TBC1D14: variants seen among roughly 807,000 people sequenced by gnomAD.
TBC1D14 encodes TBC1 domain family member 14.
TBC1D14 carries 26 observed loss-of-function variants against 79.0 expected under a neutral mutation model. That is an observed-to-expected ratio of 0.33 (90% CI 0.24 to 0.46). The LOEUF is 0.46. TBC1D14 is among the 20% of genes least tolerant of loss of function. The pLI is 1.00. For missense variants in TBC1D14, 769 were observed against 887.6 expected (o/e 0.87, Z 1.70); for synonymous variants, 394 against 349.9 (o/e 1.13, Z -1.40).
chr4:7,010,875 ATTTTC>A, intron 11 of TBC1D14, 94 bp downstream of exon 11: 1 of 1,429,332 alleles, frequency 7.0e-7, no homozygotes, highest in Non-Finnish European at 9.5e-7. Flanking sequence ...AAAAGAATAC[ATTTTC>A]TCTCTGTGAA....
chr4:6,985,998 A>T lies in TBC1D14; in HGVS notation c.844-8186A>T, dbSNP rs115242590. Among the ~76,000 whole-genome samples, 598 of 152,340 alleles carry T rather than the reference A, an allele frequency of 3.9e-3. 6 individuals carry two copies. The highest frequency in any genetic ancestry group is 0.013 in the African/African-American group (561 of 41,580). ...GCAATCTAGTTTCAAAATATGTTCG[A>T]CATCCAAAGTTTTATTTTTCATCAC... On this transcript the variant is annotated intron_variant, in intron 3 of 13. Coordinates refer to ENST00000409757, the MANE Select transcript of TBC1D14 (RefSeq NM_020773.3).
intron 2 of TBC1D14, among the ~76,000 whole-genome samples, chr4:6,944,350 A>G (rs1052565710): frequency 6.6e-6 from 1 of 152,218 alleles, no homozygotes; most frequent in African/African-American, 2.4e-5. Context: ...TTGCTTGTCC[A>G]GCAATAAGGA....
chr4:6,931,991 A>G (rs1711794508), intron 2 of TBC1D14, among the ~76,000 whole-genome samples: 1 of 151,926 alleles, frequency 6.6e-6, no homozygotes, highest in African/African-American at 2.4e-5. Context: ...AGGTCCTGGG[A>G]GGAGCGGAGA....
chr4:6,921,069 T>C (rs1351034856), intron 1 of TBC1D14, among the ~76,000 whole-genome samples: 1 of 152,102 alleles, frequency 6.6e-6, no homozygotes. Flanking sequence ...CGTGAGCCAC[T>C]GCACCCGGCC....
chr4:7,010,006 T>C (rs369264747), intron 10 of TBC1D14, 58 bp downstream of exon 10: 871 of 1,587,534 alleles, frequency 5.5e-4, no homozygotes, highest in Non-Finnish European at 7.1e-4. Flanking sequence ...AGTCAGATAT[T>C]GTCCAGCACG....
chr4:6,960,874 G>A (rs957353978), intron 2 of TBC1D14, among the ~76,000 whole-genome samples: 5 of 152,172 alleles, frequency 3.3e-5, no homozygotes, highest in East Asian at 1.9e-4. Flanking sequence ...GTAACAGTGC[G>A]GAGGAGGCCG....
In TBC1D14 at chr4:6,923,739, G is replaced by A; in HGVS notation, c.350G>A (p.Ser117Asn). 4.3e-6 allele frequency: 7 copies of A among 1,614,002 alleles called. No individual in the cohort carries two copies. The highest frequency in any genetic ancestry group is 5.9e-6 in the Non-Finnish European group (7 of 1,180,044). Reference sequence around the variant, plus strand: ...TCCTGTGCGCCACCAGCTCCTAGCAGCACCGAGCGGGAACAGAGCGTGCGC... The same window carrying A: ...TCCTGTGCGCCACCAGCTCCTAGCAACACCGAGCGGGAACAGAGCGTGCGC... Reference protein sequence around the residue: ...LPSCAPPAPSSTEREQSVRKS... With the variant: ...LPSCAPPAPSNTEREQSVRKS... Residue 117 changes from serine (S) to asparagine (N), a missense_variant, in exon 2 of 14, where the codon AGC becomes AAC. Ser to Asn is a conservative substitution (Grantham distance 46). Transcript: ENST00000409757.
chr4:6,918,799 A>G (rs1056613179), intron 1 of TBC1D14, among the ~76,000 whole-genome samples: 1 of 152,202 alleles, frequency 6.6e-6, no homozygotes, highest in Non-Finnish European at 1.5e-5. Flanking sequence ...ATTAGCTCTT[A>G]ACTGTGTGCT....
intron 3 of TBC1D14, among the ~76,000 whole-genome samples, chr4:6,992,100 G>T (rs1718561132): frequency 6.6e-6 from 1 of 152,214 alleles, no homozygotes. Flanking sequence ...ACCAGAGGCT[G>T]TGACATCACC....
chr4:6,958,369 C>CCA (rs1203948286), intron 2 of TBC1D14, among the ~76,000 whole-genome samples: 1 of 66,092 alleles, frequency 1.5e-5, no homozygotes, highest in Non-Finnish European at 2.7e-5. Flanking sequence ...CACGTGATCC[C>CCA]CACATATACA....
chr4:7,015,933 C>T (rs1182630797), intron 12 of TBC1D14, among the ~76,000 whole-genome samples: 2 of 152,210 alleles, frequency 1.3e-5, no homozygotes, highest in Non-Finnish European at 1.5e-5. Context: ...TCCACTAAAT[C>T]GTATGGTAAA....
intron 2 of TBC1D14, among the ~76,000 whole-genome samples, chr4:6,939,433 G>A (rs13108082): frequency 0.098 from 14,904 of 151,662 alleles, 797 homozygotes; most frequent in Middle Eastern, 0.16. Context: ...AGAAGCATGC[G>A]CACCCCTCGA....
At chr4:7,006,784 G>T in intron 9 of TBC1D14, 58 bp downstream of exon 9, 2 of 1,518,782 alleles carry the variant, frequency 1.3e-6, no homozygotes, top group Non-Finnish European at 1.8e-6. Context: ...CATAGATGCT[G>T]AACTGTGTAT....
At chr4:6,969,604 A>G (rs948331821) in intron 3 of TBC1D14, among the ~76,000 whole-genome samples, 2 of 152,046 alleles carry the variant, frequency 1.3e-5, no homozygotes, top group Non-Finnish European at 2.9e-5. Context: ...ACGGGGTTTC[A>G]ACATGTTAGC....
intron 2 of TBC1D14, among the ~76,000 whole-genome samples, chr4:6,964,348 T>C (rs1303029114): frequency 1.3e-5 from 2 of 152,140 alleles, no homozygotes; most frequent in Non-Finnish European, 2.9e-5. Flanking sequence ...GTCCATTCCT[T>C]ACACCCTCTG....
chr4:6,949,761 G>GTT (rs544014621), intron 2 of TBC1D14, among the ~76,000 whole-genome samples: 1 of 136,716 alleles, frequency 7.3e-6, no homozygotes, highest in Middle Eastern at 3.8e-3. Flanking sequence ...TTTTGTTTTT[G>GTT]TTTTTTTTTT....
intron 7 of TBC1D14, among the ~76,000 whole-genome samples, chr4:7,004,355 C>T (rs1055925219): frequency 1.3e-5 from 2 of 152,242 alleles, no homozygotes; most frequent in African/African-American, 4.8e-5. Flanking sequence ...AAGACGAGGC[C>T]TGTGCCAGGT....
intron 11 of TBC1D14, among the ~76,000 whole-genome samples, chr4:7,011,610 G>A (rs1720783302): frequency 6.6e-6 from 1 of 151,898 alleles, no homozygotes; most frequent in Non-Finnish European, 1.5e-5. Flanking sequence ...AGACTGGAGT[G>A]CAATGGTGCC....
At chr4:6,949,757 TTTTG>T (rs1713850355) in intron 2 of TBC1D14, among the ~76,000 whole-genome samples, 1 of 151,914 alleles carries the variant, frequency 6.6e-6, no homozygotes, top group Admixed American at 6.6e-5. Context: ...GTAGTTTTGT[TTTTG>T]TTTTTTTTTT....
Sources: allele counts gnomAD v4.1 joint callset (sites outside exome capture counted in the v4.1 genomes callset), GRCh38; gene constraint gnomAD v4.1.1; transcripts MANE v1.5; gene names NCBI Gene and HGNC (gene_info 2026-07-23, HGNC 2026-07-21).